The following IGF1 variants were observed in gnomAD, a reference collection of about 807,000 sequenced individuals.
IGF1 encodes the protein insulin-like growth factor 1.
A neutral mutation model predicts 13.8 loss-of-function variants in IGF1; 4 were observed. The observed-to-expected ratio is 0.29, with a 90% CI of 0.14 to 0.66. IGF1 has a LOEUF of 0.66. Ranked by LOEUF, IGF1 falls within the 30% of genes least tolerant of loss-of-function variation. The pLI is 0.78. For missense variants in IGF1, 124 were observed against 188.5 expected (o/e 0.66, Z 2.00); for synonymous variants, 76 against 72.6 (o/e 1.05, Z -0.23).
At chr12:102,441,631 G>A (rs781290833) in intron 2 of IGF1, among the ~76,000 whole-genome samples, 45 of 152,170 alleles carry the variant, frequency 3.0e-4, no homozygotes, top group Non-Finnish European at 5.1e-4. Context: ...CATGGAATGT[G>A]AAAAGGGGTT....
chr12:102,452,319 G>C (rs1284427441), intron 2 of IGF1, among the ~76,000 whole-genome samples: 1 of 135,166 alleles, frequency 7.4e-6, no homozygotes, highest in Non-Finnish European at 1.6e-5. Context: ...GCCATGATAA[G>C]TTTCCTGAGG....
At chr12:102,414,018 C>G (rs912666243) in intron 3 of IGF1, among the ~76,000 whole-genome samples, 6 of 152,218 alleles carry the variant, frequency 3.9e-5, no homozygotes, top group Admixed American at 2.6e-4. Context: ...TGACACAAGA[C>G]TGGCTTCTAC....
rs762601795 is a variant in IGF1 at position 102,419,638 on chromosome 12, G to A, written c.273C>T (p.Ile91=). 61 of 1,613,512 alleles carry A rather than the reference G, an allele frequency of 3.8e-5. No homozygotes were observed. Among genetic ancestry groups the A allele is most frequent in the Non-Finnish European group, 4.7e-5 (56 of 1,180,014 alleles). The change falls in exon 3 of 4, where the codon ATC becomes ATT. Residue 91 remains isoleucine, a synonymous_variant. Coordinates refer to ENST00000337514, the MANE Select transcript of IGF1 (RefSeq NM_000618.5). ...SSSRRAPQTG[I]VDECCFRSCD... ...AGCTCCGGAAGCAGCACTCATCCACGATGCCTGTCTGAGGCGCCCTCCGAC... is the reference window on the plus strand; with the variant it reads ...AGCTCCGGAAGCAGCACTCATCCACAATGCCTGTCTGAGGCGCCCTCCGAC...
rs1875063372 is a variant in IGF1 at position 102,415,588 on chromosome 12, TTCCTTCCTTCCC to T, written c.402+3909_402+3920del. The T allele has an allele frequency of 2.0e-5, 3 of 147,462 alleles. 1 individual carries two copies. The highest frequency in any genetic ancestry group is 6.7e-5 in the Admixed American group (1 of 14,816). The allele number at this position is 147,462 out of a possible 1,614,324, so 9.1% of individuals were successfully genotyped here. A position where few individuals can be genotyped will look rare whatever the true frequency, so the allele number is the denominator to read the frequency against. ...CTTCCTTCCTTCCTTCCTTCCTTCC[TTCCTTCCTTCCC>T]TCCCTCCCTCCCTCCTTCCTTCCTT... On this transcript the variant is annotated intron_variant, in intron 3 of 3. Transcript: ENST00000337514.
At chr12:102,468,861 C>A (rs574285820) in intron 2 of IGF1, among the ~76,000 whole-genome samples, 1 of 152,292 alleles carries the variant, frequency 6.6e-6, no homozygotes, top group Admixed American at 6.5e-5. Context: ...TTGGGAGAGA[C>A]CTTGTGGCTA....
At chr12:102,461,565 T>C (rs965202478) in intron 2 of IGF1, among the ~76,000 whole-genome samples, 3 of 152,204 alleles carry the variant, frequency 2.0e-5, no homozygotes, top group Non-Finnish European at 4.4e-5. Flanking sequence ...GATTTTTTTC[T>C]TTTTTTGAAG....
At chr12:102,414,957 A>G (rs1874955143) in intron 3 of IGF1, among the ~76,000 whole-genome samples, 1 of 152,232 alleles carries the variant, frequency 6.6e-6, no homozygotes, top group African/African-American at 2.4e-5. Flanking sequence ...CTTACTTCAA[A>G]GAAACATTAA....
intron 2 of IGF1, among the ~76,000 whole-genome samples, chr12:102,452,132 G>GCT (rs1879001415): frequency 6.6e-6 from 1 of 151,320 alleles, no homozygotes; most frequent in East Asian, 1.9e-4. Flanking sequence ...CGTGGTAGCG[G>GCT]GCGCCTGTAG....
At chr12:102,407,094 C>CAAAAAAAAAAAAAAAAAAAAAAAA (rs57468885) in intron 3 of IGF1, among the ~76,000 whole-genome samples, 2 of 100,982 alleles carry the variant, frequency 2.0e-5, no homozygotes, top group African/African-American at 4.4e-5. Context: ...ACTCTGTCTC[C>CAAAAAAAAAAAAAAAAAAAAAAAA]AAAAAAAAAA....
intron 3 of IGF1, chr12:102,417,470 A>G (rs1392567296): frequency 1.2e-6 from 1 of 824,538 alleles, no homozygotes; most frequent in Non-Finnish European, 1.5e-6. Context: ...CAAAATTTAA[A>G]AATGCATATA....
intron 3 of IGF1, among the ~76,000 whole-genome samples, chr12:102,409,973 T>C (rs1334743122): frequency 1.3e-5 from 2 of 152,188 alleles, no homozygotes; most frequent in African/African-American, 2.4e-5. Flanking sequence ...GCTAGCTCCT[T>C]GGTTTCCGGA....
At chr12:102,422,753 T>C (rs1002733106) in intron 2 of IGF1, among the ~76,000 whole-genome samples, 7 of 152,244 alleles carry the variant, frequency 4.6e-5, no homozygotes, top group Non-Finnish European at 1.0e-4. Context: ...TTCGACTAAT[T>C]TTTAAATGAG....
intron 2 of IGF1, 39 bp from the exon 3 acceptor site, chr12:102,419,729 A>T (rs1355765681): frequency 6.2e-7 from 1 of 1,602,136 alleles, no homozygotes; most frequent in Admixed American, 1.7e-5. Flanking sequence ...GTTAGGGTGC[A>T]ATCTGCTTTC....
At chr12:102,459,713 G>T (rs1222381522) in intron 2 of IGF1, among the ~76,000 whole-genome samples, 3 of 152,102 alleles carry the variant, frequency 2.0e-5, no homozygotes, top group African/African-American at 4.8e-5. Flanking sequence ...CTAAATTTTT[G>T]AATGTTCAGT....
intron 2 of IGF1, among the ~76,000 whole-genome samples, chr12:102,433,847 A>T (rs1374770263): frequency 6.6e-6 from 1 of 152,156 alleles, no homozygotes; most frequent in Non-Finnish European, 1.5e-5. Flanking sequence ...TTAAAAGAGG[A>T]TGATCATCAT....
chr12:102,405,345 C>T (rs1428021007), intron 3 of IGF1, among the ~76,000 whole-genome samples: 1 of 151,960 alleles, frequency 6.6e-6, no homozygotes, highest in Non-Finnish European at 1.5e-5. Context: ...GCCTCAGCCT[C>T]CTGAAGTGCT....
chr12:102,447,979 A>G (rs1456693296), intron 2 of IGF1, among the ~76,000 whole-genome samples: 8 of 152,198 alleles, frequency 5.3e-5, no homozygotes. Context: ...ATCAGAGTGA[A>G]CAGGCAACCT....
chr12:102,403,970 T>C (rs977666812), intron 3 of IGF1, among the ~76,000 whole-genome samples: 1 of 152,218 alleles, frequency 6.6e-6, no homozygotes, highest in Non-Finnish European at 1.5e-5. Context: ...TATATTATAA[T>C]ACTTTTCCTA....
chr12:102,416,522 C>A (rs894217423), intron 3 of IGF1, among the ~76,000 whole-genome samples: 5 of 152,156 alleles, frequency 3.3e-5, no homozygotes, highest in African/African-American at 1.2e-4. Flanking sequence ...GTGCTGTTGT[C>A]TCCTGGCCAA....
Sources: allele counts gnomAD v4.1 joint callset (sites outside exome capture counted in the v4.1 genomes callset), GRCh38; gene constraint gnomAD v4.1.1; transcripts MANE v1.5; gene names NCBI Gene and HGNC (gene_info 2026-07-23, HGNC 2026-07-21).